The following DNAJC5B variants were observed in gnomAD, a reference collection of about 807,000 sequenced individuals.
The protein encoded by DNAJC5B is DnaJ heat shock protein family (Hsp40) member C5 beta.
In DNAJC5B, 23 loss-of-function variants were observed where a neutral mutation model predicts 24.7. The ratio of observed to expected loss-of-function variants is 0.93; its 90% CI spans 0.67 to 1.32. DNAJC5B has a LOEUF of 1.32. Ranked by LOEUF, DNAJC5B falls within the 40% of genes most tolerant of loss-of-function variation. DNAJC5B has a pLI of 0.00. For missense variants in DNAJC5B, 238 were observed against 240.8 expected (o/e 0.99, Z 0.08); for synonymous variants, 101 against 90.1 (o/e 1.12, Z -0.68).
chr8:66,067,983 T>G (rs1807258492), intron 3 of DNAJC5B, among the ~76,000 whole-genome samples: 3 of 152,236 alleles, frequency 2.0e-5, no homozygotes, highest in African/African-American at 7.2e-5. Flanking sequence ...TTGTATGGAC[T>G]GCAACTGAAC....
chr8:66,077,664 A>G (rs1807500282), intron 4 of DNAJC5B, among the ~76,000 whole-genome samples: 1 of 152,208 alleles, frequency 6.6e-6, no homozygotes, highest in African/African-American at 2.4e-5. Flanking sequence ...TCCAATACAT[A>G]ATAATAATTA....
At chr8:66,072,342 C>T (rs1333862177) in intron 3 of DNAJC5B, among the ~76,000 whole-genome samples, 1 of 152,140 alleles carries the variant, frequency 6.6e-6, no homozygotes, top group African/African-American at 2.4e-5. Flanking sequence ...AGTTTTAACA[C>T]ATCTGGCTTG....
At chr8:66,035,121 G>A (rs1374222630) in intron 1 of DNAJC5B, among the ~76,000 whole-genome samples, 1 of 152,200 alleles carries the variant, frequency 6.6e-6, no homozygotes, top group Non-Finnish European at 1.5e-5. Context: ...GTGTTATGTT[G>A]ATAGCTTGAA....
At chr8:66,045,110 G>A (rs1439247966) in intron 2 of DNAJC5B, among the ~76,000 whole-genome samples, 1 of 152,206 alleles carries the variant, frequency 6.6e-6, no homozygotes, top group Non-Finnish European at 1.5e-5. Flanking sequence ...AGCTTAACAA[G>A]GAGGCAGAAA....
intron 5 of DNAJC5B, among the ~76,000 whole-genome samples, chr8:66,096,351 A>G (rs1807952842): frequency 6.6e-6 from 1 of 152,206 alleles, no homozygotes; most frequent in African/African-American, 2.4e-5. Context: ...ACTAGGAATT[A>G]GGACTTCAAC....
At chr8:66,053,859 C>G (rs148633640) in intron 3 of DNAJC5B, among the ~76,000 whole-genome samples, 2,410 of 151,898 alleles carry the variant, frequency 0.016, 28 homozygotes, top group Non-Finnish European at 0.025. Flanking sequence ...TAACTCCCGA[C>G]CTTAGGTGAT....
chr8:66,090,837 C>T (rs1057484505), intron 5 of DNAJC5B, among the ~76,000 whole-genome samples: 2 of 152,220 alleles, frequency 1.3e-5, no homozygotes, highest in Admixed American at 1.3e-4. Flanking sequence ...CTTCATCCTA[C>T]CCCTTTCCCC....
upstream of DNAJC5B, among the ~76,000 whole-genome samples, chr8:66,018,374 T>A (rs1806015458): frequency 9.3e-6 from 1 of 107,082 alleles, no homozygotes; most frequent in East Asian, 2.0e-4. Context: ...AAAAATTAGC[T>A]GGGCGTGGTG....
At position 66,076,775 on chromosome 8, in the gene DNAJC5B, A is replaced by T; in HGVS notation, c.235A>T (p.Ile79Leu). Residue 79 changes from isoleucine to leucine, a missense_variant, in exon 4 of 6, where the codon ATA becomes TTA. Coordinates refer to ENST00000276570, the MANE Select transcript of DNAJC5B (RefSeq NM_033105.6). ...AILTDISKRS[I>L]YDKYGSLGLY... is the part of the protein sequence containing the mutation. ...ACTTACCGACATTTCAAAGAGAAGC[A>T]TATACGACAAGTACGGATCGCTGGG... is the stretch of plus-strand genomic sequence containing the variant. 1 of 1,614,246 alleles carries T rather than the reference A, an allele frequency of 6.2e-7. No homozygotes were observed. Among genetic ancestry groups the T allele is most frequent in the Non-Finnish European group, 8.5e-7 (1 of 1,180,032 alleles).
chr8:66,085,945 T>C (rs1224288282), intron 5 of DNAJC5B, among the ~76,000 whole-genome samples: 1 of 152,158 alleles, frequency 6.6e-6, no homozygotes, highest in Non-Finnish European at 1.5e-5. Flanking sequence ...GTATCTCTAC[T>C]TATCCACGTC....
At chr8:66,085,038 A>T (rs528069711) in intron 5 of DNAJC5B, among the ~76,000 whole-genome samples, 1 of 151,982 alleles carries the variant, frequency 6.6e-6, no homozygotes, top group South Asian at 2.1e-4. Flanking sequence ...TTGAATATGG[A>T]ATCTAATTGT....
chr8:66,032,684 G>A (rs1257011152), intron 1 of DNAJC5B, among the ~76,000 whole-genome samples: 1 of 152,192 alleles, frequency 6.6e-6, no homozygotes, highest in African/African-American at 2.4e-5. Flanking sequence ...TGCTTAAAAT[G>A]TGCATGAATC....
upstream of DNAJC5B, among the ~76,000 whole-genome samples, chr8:66,020,864 C>G (rs1187087625): frequency 6.6e-6 from 1 of 152,140 alleles, no homozygotes; most frequent in South Asian, 2.1e-4. Context: ...TCTCAAACTC[C>G]TGGGCTCAAG....
At chr8:66,062,906 A>G (rs1174454038) in intron 3 of DNAJC5B, among the ~76,000 whole-genome samples, 2 of 152,214 alleles carry the variant, frequency 1.3e-5, no homozygotes, top group Non-Finnish European at 2.9e-5. Flanking sequence ...GCTATTTGGG[A>G]GGCTGAGGTG....
intron 1 of DNAJC5B, among the ~76,000 whole-genome samples, chr8:66,032,830 CA>C (rs1401150126): frequency 6.6e-6 from 1 of 152,208 alleles, no homozygotes; most frequent in African/African-American, 2.4e-5. Flanking sequence ...TTGGCAAAAA[CA>C]CTGTCTAGTT....
chr8:66,044,588 TG>T (rs1563592004), intron 2 of DNAJC5B, among the ~76,000 whole-genome samples: 1 of 152,094 alleles, frequency 6.6e-6, no homozygotes, highest in Non-Finnish European at 1.5e-5. Context: ...CTATTGTCAT[TG>T]GGGGGTTGTA....
At chr8:66,034,178 G>T (rs1440282143) in intron 1 of DNAJC5B, among the ~76,000 whole-genome samples, 1 of 117,062 alleles carries the variant, frequency 8.5e-6, no homozygotes, top group Non-Finnish European at 1.8e-5. Context: ...TTGTTGTTTT[G>T]TGTGTGTGTG....
chr8:66,039,362 T>A (rs897648389), intron 1 of DNAJC5B, among the ~76,000 whole-genome samples: 1 of 151,658 alleles, frequency 6.6e-6, no homozygotes, highest in Admixed American at 6.6e-5. Context: ...TTTTTTTTTT[T>A]TTTGAGATGG....
intron 2 of DNAJC5B, among the ~76,000 whole-genome samples, chr8:66,050,552 A>G (rs1409641083): frequency 6.6e-6 from 1 of 152,166 alleles, no homozygotes; most frequent in Non-Finnish European, 1.5e-5. Context: ...AATCCTAGGG[A>G]AGGATTCTAA....
Sources: gnomAD v4.1 joint callset for allele counts (sites outside exome capture counted in the v4.1 genomes callset) on GRCh38, gnomAD v4.1.1 for gene constraint, MANE v1.5 for transcripts, NCBI Gene and HGNC (gene_info 2026-07-23, HGNC 2026-07-21) for gene names.